Variants in HDAC4 observed in about 807,000 individuals in gnomAD.
HDAC4 encodes histone deacetylase 4, also known as histone deacetylase A.
In HDAC4, 16 loss-of-function variants were observed where a neutral mutation model predicts 135.1. The ratio of observed to expected loss-of-function variants is 0.12; its 90% CI spans 0.08 to 0.18. The LOEUF is 0.18. Among genes scored for constraint, HDAC4 ranks in the 10% least tolerant of loss-of-function variants. HDAC4 has a pLI of 1.00. For missense variants in HDAC4, 1,143 were observed against 1,511.8 expected (o/e 0.76, Z 4.05); for synonymous variants, 685 against 653.4 (o/e 1.05, Z -0.74).
At chr2:239,084,847 A>G (rs979295717) in intron 19 of HDAC4, among the ~76,000 whole-genome samples, 6 of 151,090 alleles carry the variant, frequency 4.0e-5, no homozygotes, top group African/African-American at 1.5e-4. Flanking sequence ...CAAACGCCCT[A>G]CACACATATA....
intron 1 of HDAC4, among the ~76,000 whole-genome samples, chr2:239,375,966 T>C (rs1218125664): frequency 6.6e-6 from 1 of 152,252 alleles, no homozygotes; most frequent in African/African-American, 2.4e-5. Flanking sequence ...GTCCACAGCC[T>C]GCTGGACGCC....
intron 4 of HDAC4, chr2:239,186,718 G>A (rs2044572668): frequency 6.6e-6 from 1 of 152,384 alleles, no homozygotes; most frequent in South Asian, 2.1e-4. Context: ...TCTCTTCCAA[G>A]CAGTGAAGCC....
intron 4 of HDAC4, among the ~76,000 whole-genome samples, chr2:239,184,069 TAAAAA>T (rs58952360): frequency 8.4e-5 from 6 of 71,404 alleles, no homozygotes; most frequent in African/African-American, 1.8e-4. Context: ...CTTGCTAGTG[TAAAAA>T]AAAAAAAAAA....
rs760713033 is a variant in HDAC4, at chr2:239,090,066, G to T, written c.2331C>A (p.Arg777=). 6.2e-7 allele frequency: 1 copy of T among 1,613,740 alleles called. No individual in the cohort carries two copies. The highest frequency in any genetic ancestry group is 1.3e-5 in the African/African-American group (1 of 74,938). ...GCTCTACCACGCAGCCCACAGCCAG[G>T]CGGGCTGCCCCCGCCGAGTGCACCT... The part of the protein sequence containing the change: ...WNEVHSAGAA[R]LAVGCVVELV... The change falls in exon 18 of 27, where the codon CGC becomes CGA. Residue 777 remains arginine (R), a synonymous_variant. Coordinates refer to ENST00000543185, the MANE Select transcript of HDAC4 (RefSeq NM_001378414.1).
intron 1 of HDAC4, among the ~76,000 whole-genome samples, chr2:239,368,504 A>G (rs974151672): frequency 3.9e-5 from 6 of 152,290 alleles, no homozygotes; most frequent in African/African-American, 1.4e-4. Context: ...GTGCCAAGCA[A>G]GAAAAACTGG....
chr2:239,147,684 A>G (rs1419624217), intron 7 of HDAC4, among the ~76,000 whole-genome samples: 1 of 152,238 alleles, frequency 6.6e-6, no homozygotes, highest in African/African-American at 2.4e-5. Context: ...TGCTCCCACC[A>G]AGCGTGGGTG....
chr2:239,059,583 G>T (rs1010374933), intron 24 of HDAC4, among the ~76,000 whole-genome samples: 3 of 152,212 alleles, frequency 2.0e-5, no homozygotes, highest in African/African-American at 4.8e-5. Context: ...CTGGTAAAAT[G>T]TAACTTCTCA....
chr2:239,093,133 T>G (rs1342337874), intron 17 of HDAC4, among the ~76,000 whole-genome samples: 1 of 152,188 alleles, frequency 6.6e-6, no homozygotes, highest in African/African-American at 2.4e-5. Context: ...CAGTTGAAAC[T>G]TGCGGTCACT....
At chr2:239,149,861 G>C (rs1231048110) in intron 7 of HDAC4, among the ~76,000 whole-genome samples, 1 of 152,074 alleles carries the variant, frequency 6.6e-6, no homozygotes, top group Non-Finnish European at 1.5e-5. Context: ...TCGTGGAGGG[G>C]GTGGGGAAAA....
At chr2:239,099,253 A>G (rs2037392854) in intron 16 of HDAC4, among the ~76,000 whole-genome samples, 1 of 152,206 alleles carries the variant, frequency 6.6e-6, no homozygotes, top group Non-Finnish European at 1.5e-5. Context: ...ATGGACCAAC[A>G]GCCGGTCCTT....
In HDAC4 at chr2:239,391,973, C is replaced by T. The variant is rs1014059537; in HGVS notation, c.-220+9005G>A. Reference sequence around the variant, plus strand: ...GACACTCTTCTTCAGGGAGGGACCGCGGGAAGCACTGCACATGGTTGGTTG... The same window carrying T: ...GACACTCTTCTTCAGGGAGGGACCGTGGGAAGCACTGCACATGGTTGGTTG... On this transcript the variant is annotated intron_variant, in intron 1 of 26. Coordinates refer to ENST00000543185, the MANE Select transcript of HDAC4 (RefSeq NM_001378414.1). Among the ~76,000 whole-genome samples the T allele has an allele frequency of 5.9e-5, 9 of 152,316 alleles. No homozygotes were observed. The East Asian group carries it at 1.4e-3, about 23-fold the overall frequency.
chr2:239,259,743 T>C (rs1439012075), intron 2 of HDAC4, among the ~76,000 whole-genome samples: 1 of 152,170 alleles, frequency 6.6e-6, no homozygotes, highest in African/African-American at 2.4e-5. Flanking sequence ...TTAAAAAGAC[T>C]AATGAAGAGG....
chr2:239,269,650 T>TA (rs1172739876), intron 2 of HDAC4, among the ~76,000 whole-genome samples: 1 of 152,164 alleles, frequency 6.6e-6, no homozygotes, highest in Non-Finnish European at 1.5e-5. Flanking sequence ...TGCGCTTTCC[T>TA]AAAAAGACAA....
intron 17 of HDAC4, among the ~76,000 whole-genome samples, chr2:239,090,657 A>AG (rs1357321670): frequency 2.0e-5 from 3 of 151,500 alleles, no homozygotes; most frequent in African/African-American, 7.3e-5. Context: ...AAGGAAAAAA[A>AG]AAAAACTGGA....
intron 23 of HDAC4, 188 bp from the exon 24 acceptor site, chr2:239,067,043 A>G (rs1382585432): frequency 1.5e-6 from 1 of 688,464 alleles, no homozygotes; most frequent in African/African-American, 1.8e-5. Context: ...GATCTGTTTG[A>G]GAGGAGGAAT....
chr2:239,249,896 G>C (rs2048687265), intron 2 of HDAC4, among the ~76,000 whole-genome samples: 1 of 152,146 alleles, frequency 6.6e-6, no homozygotes, highest in African/African-American at 2.4e-5. Context: ...TAATGTGTCA[G>C]CTGGCTGCTC....
chr2:239,193,308 C>T (rs1264995504), intron 3 of HDAC4, among the ~76,000 whole-genome samples: 1 of 152,262 alleles, frequency 6.6e-6, no homozygotes, highest in Non-Finnish European at 1.5e-5. Context: ...TGGTGTTAAT[C>T]TCTTTAAAAA....
chr2:239,304,921 C>A (rs186338450), intron 2 of HDAC4, among the ~76,000 whole-genome samples: 1 of 152,286 alleles, frequency 6.6e-6, no homozygotes, highest in African/African-American at 2.4e-5. Flanking sequence ...CTGTGGGGAG[C>A]CACATGGCCC....
chr2:239,399,290 G>T (rs1294168667), intron 1 of HDAC4, among the ~76,000 whole-genome samples: 1 of 152,202 alleles, frequency 6.6e-6, no homozygotes, highest in East Asian at 1.9e-4. Context: ...TAGAGTAATT[G>T]TGTTGCCATA....
Sources: allele counts gnomAD v4.1 joint callset (sites outside exome capture counted in the v4.1 genomes callset), GRCh38; gene constraint gnomAD v4.1.1; transcripts MANE v1.5; gene names NCBI Gene and HGNC (gene_info 2026-07-23, HGNC 2026-07-21).